The following RGS6 variants were observed in gnomAD, a reference collection of about 807,000 sequenced individuals.
The protein encoded by RGS6 is regulator of G-protein signaling 6.
In RGS6, 30 loss-of-function variants were observed where a neutral mutation model predicts 78.5. The ratio of observed to expected loss-of-function variants is 0.38; its 90% CI spans 0.29 to 0.52. The LOEUF (loss-of-function observed/expected upper bound fraction) is 0.52. Ranked by LOEUF, RGS6 falls within the 20% of genes least tolerant of loss-of-function variation. The pLI, the probability that RGS6 is intolerant of heterozygous loss-of-function variation, is 0.85. For missense variants in RGS6, 495 were observed against 609.7 expected (o/e 0.81, Z 1.98); for synonymous variants, 206 against 206.0 (o/e 1.00, Z 0.00).
chr14:72,308,399 C>T (rs912167267), intron 2 of RGS6, among the ~76,000 whole-genome samples: 3 of 152,186 alleles, frequency 2.0e-5, no homozygotes, highest in Non-Finnish European at 2.9e-5. Flanking sequence ...GTCTTTGCCT[C>T]CTCCAAACTT....
At chr14:72,149,515 G>C (rs1325927057) in intron 2 of RGS6, among the ~76,000 whole-genome samples, 1 of 152,124 alleles carries the variant, frequency 6.6e-6, no homozygotes, top group African/African-American at 2.4e-5. Flanking sequence ...GGCTGGCCTG[G>C]AGCATGTATG....
the RGS6 span, among the ~76,000 whole-genome samples, chr14:72,590,615 C>A: frequency 6.6e-6 from 1 of 152,118 alleles, no homozygotes; most frequent in African/African-American, 2.4e-5. Flanking sequence ...GTTGCAGGGG[C>A]CAAAATAACT....
chr14:72,349,443 C>T (rs1355603609), intron 2 of RGS6, among the ~76,000 whole-genome samples: 3 of 151,998 alleles, frequency 2.0e-5, no homozygotes, highest in Non-Finnish European at 4.4e-5. Flanking sequence ...TGGCCAAACC[C>T]GAAAGGGAAA....
chr14:71,893,146 G>A, the RGS6 span, among the ~76,000 whole-genome samples: 1 of 152,204 alleles, frequency 6.6e-6, no homozygotes, highest in Non-Finnish European at 1.5e-5. Flanking sequence ...GGGATGGCTA[G>A]GTAGCATTTG....
intron 2 of RGS6, among the ~76,000 whole-genome samples, chr14:72,254,016 G>A (rs1453525699): frequency 1.3e-5 from 2 of 152,180 alleles, no homozygotes; most frequent in African/African-American, 4.8e-5. Context: ...AGACCACGAT[G>A]ACAGAATTTA....
chr14:72,134,748 G>A (rs1188810560), intron 2 of RGS6, among the ~76,000 whole-genome samples: 2 of 152,226 alleles, frequency 1.3e-5, no homozygotes, highest in African/African-American at 2.4e-5. Flanking sequence ...AACCAGGGGA[G>A]TTGATGGTGT....
At chr14:72,044,288 G>C (rs1357081804) in intron 2 of RGS6, among the ~76,000 whole-genome samples, 1 of 152,160 alleles carries the variant, frequency 6.6e-6, no homozygotes, top group East Asian at 1.9e-4. Context: ...GGGATACCCA[G>C]ATAGCTAGAA....
intron 11 of RGS6, 96 bp downstream of exon 11, chr14:72,476,936 T>C: frequency 4.4e-6 from 5 of 1,135,892 alleles, no homozygotes; most frequent in Non-Finnish European, 6.4e-6. Flanking sequence ...AAGCTTTGAG[T>C]TCCTGGAAAC....
the RGS6 span, among the ~76,000 whole-genome samples, chr14:72,622,110 T>A: frequency 5.3e-5 from 8 of 152,352 alleles, no homozygotes; most frequent in African/African-American, 1.9e-4. Context: ...GAAGTGTCCA[T>A]GAACCCCTTG....
the RGS6 span, among the ~76,000 whole-genome samples, chr14:72,608,395 A>T: frequency 6.6e-6 from 1 of 152,136 alleles, no homozygotes; most frequent in Non-Finnish European, 1.5e-5. Context: ...CTAGGGGCAG[A>T]TGTGTCCTCT....
intron 2 of RGS6, among the ~76,000 whole-genome samples, chr14:72,216,835 T>A (rs1344607736): frequency 6.6e-6 from 1 of 152,176 alleles, no homozygotes; most frequent in Non-Finnish European, 1.5e-5. Context: ...ATTTTTATGT[T>A]GGGCGACAAG....
At chr14:72,182,737 A>G (rs1400675082) in intron 2 of RGS6, among the ~76,000 whole-genome samples, 1 of 152,224 alleles carries the variant, frequency 6.6e-6, no homozygotes, top group Non-Finnish European at 1.5e-5. Flanking sequence ...TGAGCTCAGC[A>G]GCAAGTTTCT....
intron 2 of RGS6, among the ~76,000 whole-genome samples, chr14:72,222,404 T>G (rs1194668478): frequency 6.6e-6 from 1 of 152,200 alleles, no homozygotes; most frequent in Non-Finnish European, 1.5e-5. Flanking sequence ...TTATTTTTCT[T>G]CATGTAAGAT....
chr14:72,313,270 G>A (rs985444327), intron 2 of RGS6, among the ~76,000 whole-genome samples: 15 of 152,166 alleles, frequency 9.9e-5, no homozygotes, highest in African/African-American at 3.4e-4. Context: ...CCTTGTTCAA[G>A]CATATTAAGC....
chr14:71,897,918 G>A, the RGS6 span, among the ~76,000 whole-genome samples: 1 of 151,872 alleles, frequency 6.6e-6, no homozygotes, highest in Admixed American at 6.6e-5. Flanking sequence ...GGAACACCCA[G>A]GAGCTTAGAG....
intron 3 of RGS6, among the ~76,000 whole-genome samples, chr14:72,409,731 A>G (rs1275699295): frequency 6.6e-6 from 1 of 151,810 alleles, no homozygotes; most frequent in Non-Finnish European, 1.5e-5. Context: ...ACCCCACAAC[A>G]GTCCTCGGTG....
intron 2 of RGS6, among the ~76,000 whole-genome samples, chr14:72,006,935 G>T (rs1221962416): frequency 6.6e-6 from 1 of 152,112 alleles, no homozygotes; most frequent in Non-Finnish European, 1.5e-5. Flanking sequence ...ATAGAAGTTT[G>T]GACTTTGAGG....
At chr14:72,569,108 T>TGG (rs796499690), downstream of RGS6, among the ~76,000 whole-genome samples, 463 of 130,836 alleles carry the variant, frequency 3.5e-3, 3 homozygotes, top group African/African-American at 0.017. Flanking sequence ...TGAGATTCTC[T>TGG]GGGGTGTGTG....
intron 13 of RGS6, among the ~76,000 whole-genome samples, chr14:72,503,583 AG>A (rs2096758145): frequency 6.6e-6 from 1 of 152,094 alleles, no homozygotes; most frequent in Non-Finnish European, 1.5e-5. Context: ...AGAGAGAGAG[AG>A]AGAGAGAGAA....
Sources: allele counts gnomAD v4.1 joint callset (sites outside exome capture counted in the v4.1 genomes callset), GRCh38; gene constraint gnomAD v4.1.1; transcripts MANE v1.5; gene names NCBI Gene and HGNC (gene_info 2026-07-23, HGNC 2026-07-21).